TSPAN9: variants seen among roughly 807,000 people sequenced by gnomAD.
The protein encoded by TSPAN9 is tetraspanin 9.
Under a neutral mutation model 31.0 loss-of-function variants are expected in TSPAN9, and 16 were observed. That is an observed-to-expected ratio of 0.52 (90% CI 0.35 to 0.78). The LOEUF is 0.78. Ranked by LOEUF, TSPAN9 falls within the 30% of genes least tolerant of loss-of-function variation. TSPAN9 has a pLI of 0.01. For synonymous variants in TSPAN9, 145 were observed against 121.6 expected, an observed-to-expected ratio of 1.19 and a Z score of -1.27; for missense variants, 272 against 312.5, an observed-to-expected ratio of 0.87 and a Z score of 0.98.
chr12:3,184,321 G>A (rs1235460230), intron 2 of TSPAN9, among the ~76,000 whole-genome samples: 1 of 151,978 alleles, frequency 6.6e-6, no homozygotes, highest in African/African-American at 2.4e-5. Context: ...TCACTTGAAC[G>A]CAGGAAGTGG....
At chr12:3,115,854 A>AATTT (rs745914628) in intron 2 of TSPAN9, among the ~76,000 whole-genome samples, 204 of 152,312 alleles carry the variant, frequency 1.3e-3, no homozygotes, top group Non-Finnish European at 2.4e-3. Context: ...GAACTGTTTA[A>AATTT]AGACTTCCAG....
chr12:3,147,244 A>C lies in TSPAN9; in HGVS notation c.-17-53933A>C, dbSNP rs1280430946. On this transcript the variant is annotated intron_variant, in intron 2 of 8. Transcript: ENST00000011898. The surrounding 1 kb of genome is among the most constrained non-coding windows in gnomAD (Gnocchi z 4.3). ...AGGTATGGAGGAGCTGCTGGGCAGC[A>C]GGAGGCAGGGACCACGGTCCCTGCC... Among the ~76,000 whole-genome samples the C allele has an allele frequency of 6.6e-6, 1 of 152,134 alleles. No individual in the cohort carries two copies. The highest frequency in any genetic ancestry group is 2.4e-5 in the African/African-American group (1 of 41,456).
intron 2 of TSPAN9, among the ~76,000 whole-genome samples, chr12:3,140,610 T>G (rs530584808): frequency 6.6e-6 from 1 of 151,846 alleles, no homozygotes; most frequent in South Asian, 2.1e-4. Context: ...GCGTTTGGGG[T>G]TCGATGATGA....
chr12:3,131,146 C>T (rs931915024), intron 2 of TSPAN9, among the ~76,000 whole-genome samples: 2 of 139,910 alleles, frequency 1.4e-5, no homozygotes, highest in African/African-American at 5.1e-5. Flanking sequence ...AAAAAGAAAC[C>T]GGATGTTTAT....
At chr12:3,166,071 C>A (rs1349974544) in intron 2 of TSPAN9, among the ~76,000 whole-genome samples, 2 of 152,178 alleles carry the variant, frequency 1.3e-5, no homozygotes, top group African/African-American at 4.8e-5. Context: ...CTCATTTGGT[C>A]ACTAATGATA....
intron 3 of TSPAN9, among the ~76,000 whole-genome samples, chr12:3,260,852 A>G (rs1018419722): frequency 6.6e-6 from 1 of 152,138 alleles, no homozygotes; most frequent in South Asian, 2.1e-4. Context: ...CCCCAAAGAC[A>G]GGGGGTGTGT....
chr12:3,110,435 A>G (rs553592154), intron 2 of TSPAN9, among the ~76,000 whole-genome samples: 2 of 152,214 alleles, frequency 1.3e-5, no homozygotes, highest in African/African-American at 4.8e-5. Flanking sequence ...TTAGTGAGGT[A>G]TGGGGCACAG....
At chr12:3,193,734 G>A (rs1003509874) in intron 2 of TSPAN9, among the ~76,000 whole-genome samples, 3 of 152,350 alleles carry the variant, frequency 2.0e-5, no homozygotes, top group South Asian at 2.1e-4. Context: ...AGCCCACTCC[G>A]AATGGGCAGA....
chr12:3,089,128 A>T (rs1360504849), intron 2 of TSPAN9, among the ~76,000 whole-genome samples: 2 of 150,148 alleles, frequency 1.3e-5, no homozygotes, highest in African/African-American at 4.9e-5. Flanking sequence ...GCCACTCGGG[A>T]GGCTGAGGCA....
At chr12:3,109,307 A>AGAGAGTGT (rs560687812) in intron 2 of TSPAN9, among the ~76,000 whole-genome samples, 63 of 143,310 alleles carry the variant, frequency 4.4e-4, no homozygotes, top group African/African-American at 1.7e-3. Flanking sequence ...TGTGAGAGAG[A>AGAGAGTGT]GTGTGTGTGT....
At chr12:3,159,998 G>C (rs1438732676) in intron 2 of TSPAN9, among the ~76,000 whole-genome samples, 3 of 152,138 alleles carry the variant, frequency 2.0e-5, no homozygotes, top group African/African-American at 7.2e-5. Flanking sequence ...TGTTCAAGTT[G>C]TATAACCACT....
intron 2 of TSPAN9, among the ~76,000 whole-genome samples, chr12:3,138,790 C>G (rs2098333350): frequency 6.6e-6 from 1 of 152,126 alleles, no homozygotes; most frequent in African/African-American, 2.4e-5. Context: ...CCTGTTTCTT[C>G]TTTGTTTTGC....
intron 3 of TSPAN9, among the ~76,000 whole-genome samples, chr12:3,272,333 G>A (rs1412733284): frequency 6.6e-6 from 1 of 152,162 alleles, no homozygotes; most frequent in African/African-American, 2.4e-5. Context: ...GTCTGGTCCT[G>A]TTCCCCAGCT....
At chr12:3,226,700 GTGTGTGTA>G (rs2098387401) in intron 3 of TSPAN9, among the ~76,000 whole-genome samples, 4 of 36,388 alleles carry the variant, frequency 1.1e-4, no homozygotes, top group African/African-American at 4.6e-4. Context: ...GTGTGTGTGT[GTGTGTGTA>G]TGTGTATGTA....
chr12:3,086,035 C>T (rs1287833668), intron 2 of TSPAN9, among the ~76,000 whole-genome samples: 5 of 152,192 alleles, frequency 3.3e-5, no homozygotes, highest in Non-Finnish European at 7.3e-5. Flanking sequence ...TCTTCGTGCC[C>T]GTGCCTGAGG....
chr12:3,132,689 C>T (rs11062521), intron 2 of TSPAN9, among the ~76,000 whole-genome samples: 9,446 of 152,244 alleles, frequency 0.062, 438 homozygotes, highest in East Asian at 0.2. Flanking sequence ...CGAAGCCTGG[C>T]GTGGACGACT....
chr12:3,078,036 C>G (rs921932302), intron 1 of TSPAN9, among the ~76,000 whole-genome samples: 2 of 152,204 alleles, frequency 1.3e-5, no homozygotes, highest in Non-Finnish European at 2.9e-5. Flanking sequence ...AAGATCCAAA[C>G]AAGAAACCGG....
chr12:3,079,542 A>G (rs1432124612), intron 1 of TSPAN9, among the ~76,000 whole-genome samples: 1 of 151,934 alleles, frequency 6.6e-6, no homozygotes, highest in African/African-American at 2.4e-5. Context: ...GCTCACTGCA[A>G]CCTCTGCCTA....
At position 3,280,969 on chromosome 12, in the gene TSPAN9, T is replaced by G. The variant is rs538298381; in HGVS notation, c.433-229T>G. On this transcript the variant is annotated intron_variant, in intron 6 of 8. Coordinates refer to ENST00000011898, the MANE Select transcript of TSPAN9 (RefSeq NM_006675.5). This position sits in a 1 kb window ranked among gnomAD's most constrained non-coding sequence, Gnocchi z 4.5. ...AAGGGGCCCAGCCCGAGGGGTGGGC[T>G]GCATTGCCCTCTCCCGCTCTGGTCT... Among the ~76,000 whole-genome samples the G allele has an allele frequency of 2.6e-5, 4 of 152,112 alleles. No individual in the cohort carries two copies. The South Asian group carries it at 6.2e-4, about 24-fold the overall frequency.
Sources: gnomAD v4.1 joint callset for allele counts (sites outside exome capture counted in the v4.1 genomes callset) on GRCh38, gnomAD v4.1.1 for gene constraint, Gnocchi (gnomAD v3.1) non-coding constraint, MANE v1.5 for transcripts, NCBI Gene and HGNC (gene_info 2026-07-23, HGNC 2026-07-21) for gene names.